Variants in ARHGAP15 observed in about 807,000 individuals in gnomAD.
ARHGAP15 encodes rho GTPase-activating protein 15.
A neutral mutation model predicts 63.7 loss-of-function variants in ARHGAP15; 51 were observed. That is an observed-to-expected ratio of 0.80 (90% CI 0.64 to 1.01). The LOEUF is 1.01. ARHGAP15 is among the 50% of genes least tolerant of loss of function. ARHGAP15 has a pLI of 0.00. For missense variants in ARHGAP15, 560 were observed against 564.6 expected, an observed-to-expected ratio of 0.99 and a Z score of 0.08; for synonymous variants, 191 against 193.8, an observed-to-expected ratio of 0.99 and a Z score of 0.12.
At chr2:143,661,210 C>T (rs1681752480) in intron 12 of ARHGAP15, among the ~76,000 whole-genome samples, 1 of 152,290 alleles carries the variant, frequency 6.6e-6, no homozygotes, top group South Asian at 2.1e-4. Context: ...AGGATAATCT[C>T]CTCACCTCAA....
intron 13 of ARHGAP15, among the ~76,000 whole-genome samples, chr2:143,744,421 T>C (rs892931314): frequency 1.3e-5 from 2 of 152,220 alleles, no homozygotes; most frequent in African/African-American, 4.8e-5. Flanking sequence ...TAAGTAATAA[T>C]GAGTGCGAGT....
In ARHGAP15 at chr2:143,615,776, T is replaced by G. The variant is rs76868639; in HGVS notation, c.1004-8357T>G. On this transcript the variant is annotated intron_variant, in intron 11 of 13. Transcript: ENST00000295095. ...ATGAAGCAAGCTTTCAAAAATGACT[T>G]TGTCGAAATTTAATCCTATGATTCT... Among the ~76,000 whole-genome samples, 86 of 152,316 alleles carry G rather than the reference T, an allele frequency of 5.6e-4. 2 individuals are homozygous for G. The East Asian group carries it at 0.013, about 24-fold the overall frequency.
chr2:143,768,140 T>C lies in ARHGAP15; in HGVS notation c.1396T>C (p.Tyr466His). ...NQIAELMLSE[Y>H]SKIFGSEED The stretch of plus-strand genomic sequence containing the variant: ...GATAGCTGAGCTCATGCTGAGTGAG[T>C]ACAGTAAGATCTTCGGCTCAGAGGA... Residue 466 changes from tyrosine to histidine, a missense_variant, in exon 14 of 14, where the codon TAC becomes CAC. By Grantham distance (83) the Tyr-to-His change is moderately conservative. Transcript: ENST00000295095. 1 of 1,613,590 alleles carries C rather than the reference T, an allele frequency of 6.2e-7. No homozygotes were observed. Among genetic ancestry groups the C allele is most frequent in the Non-Finnish European group, 8.5e-7 (1 of 1,179,688 alleles).
At chr2:143,699,771 G>A (rs1187857503) in intron 12 of ARHGAP15, among the ~76,000 whole-genome samples, 2 of 152,136 alleles carry the variant, frequency 1.3e-5, no homozygotes, top group Admixed American at 1.3e-4. Context: ...CAGTGGCTTG[G>A]GCCTCAAAAG....
At chr2:143,129,914 A>G (rs1688854838) in intron 1 of ARHGAP15, among the ~76,000 whole-genome samples, 5 of 152,188 alleles carry the variant, frequency 3.3e-5, no homozygotes. Flanking sequence ...ACTTTAAAGC[A>G]TTGTATTAAT....
At chr2:143,484,185 G>T (rs1423959599) in intron 8 of ARHGAP15, among the ~76,000 whole-genome samples, 1 of 152,018 alleles carries the variant, frequency 6.6e-6, no homozygotes, top group Non-Finnish European at 1.5e-5. Context: ...GGCCAACATA[G>T]TAAAACCCCA....
At chr2:143,435,252 A>T in intron 6 of ARHGAP15, 1 of 997,450 alleles carries the variant, frequency 1.0e-6, no homozygotes, top group Non-Finnish European at 1.2e-6. Flanking sequence ...ATGAATTCTG[A>T]CACACCCGGG....
At chr2:143,253,526 A>G (rs1051384532) in intron 6 of ARHGAP15, among the ~76,000 whole-genome samples, 2 of 152,102 alleles carry the variant, frequency 1.3e-5, no homozygotes, top group Admixed American at 6.6e-5. Context: ...AACAATGACA[A>G]CATTAATTAT....
intron 9 of ARHGAP15, among the ~76,000 whole-genome samples, chr2:143,488,446 T>TA (rs1462673909): frequency 6.6e-6 from 1 of 152,228 alleles, no homozygotes; most frequent in Non-Finnish European, 1.5e-5. Context: ...TGATTCTTTT[T>TA]AAAAACAAGA....
chr2:143,517,002 G>T (rs76372639), intron 9 of ARHGAP15, among the ~76,000 whole-genome samples: 32,135 of 151,970 alleles, frequency 0.21, 3,651 homozygotes, highest in Middle Eastern at 0.28. Context: ...AGGCCTGGAG[G>T]GCAGTGGCGC....
chr2:143,589,279 T>TA (rs1227329355), intron 11 of ARHGAP15, among the ~76,000 whole-genome samples: 2 of 152,240 alleles, frequency 1.3e-5, no homozygotes, highest in African/African-American at 2.4e-5. Context: ...CTTCTCCATG[T>TA]ACTCTACTGC....
intron 2 of ARHGAP15, among the ~76,000 whole-genome samples, chr2:143,157,065 A>G (rs1013003682): frequency 6.6e-6 from 1 of 152,006 alleles, no homozygotes; most frequent in Non-Finnish European, 1.5e-5. Flanking sequence ...ACAAGCATGA[A>G]AACATCACAG....
chr2:143,724,401 A>G (rs558043517), intron 13 of ARHGAP15, among the ~76,000 whole-genome samples: 30 of 152,334 alleles, frequency 2.0e-4, no homozygotes, highest in African/African-American at 7.2e-4. Flanking sequence ...TCGAAGAGAC[A>G]AAGTTGTTTC....
intron 6 of ARHGAP15, among the ~76,000 whole-genome samples, chr2:143,268,887 AC>A (rs35903170): frequency 0.22 from 33,519 of 152,056 alleles, 3,946 homozygotes; most frequent in South Asian, 0.35. Context: ...TTAAAAGAAA[AC>A]TATGCAGTAC....
chr2:143,688,329 T>TTG (rs1683442048), intron 12 of ARHGAP15, among the ~76,000 whole-genome samples: 1 of 152,176 alleles, frequency 6.6e-6, no homozygotes, highest in Non-Finnish European at 1.5e-5. Flanking sequence ...TTGTTTAGTA[T>TTG]CTCTCCAGAG....
intron 6 of ARHGAP15, among the ~76,000 whole-genome samples, chr2:143,384,461 C>T (rs149922076): frequency 9.2e-5 from 14 of 151,762 alleles, no homozygotes; most frequent in South Asian, 2.1e-4. Context: ...TTGGCCACCT[C>T]GGAGACTAAC....
chr2:143,187,662 A>G (rs1229559672), intron 2 of ARHGAP15, among the ~76,000 whole-genome samples: 1 of 152,208 alleles, frequency 6.6e-6, no homozygotes, highest in East Asian at 1.9e-4. Context: ...CTTTGAATCT[A>G]CTAGTTGCTA....
chr2:143,363,896 T>C (rs1574336602), intron 6 of ARHGAP15, among the ~76,000 whole-genome samples: 3 of 152,204 alleles, frequency 2.0e-5, no homozygotes, highest in Non-Finnish European at 1.5e-5. Flanking sequence ...ATAAAGGAAA[T>C]AGCAATTGCA....
At chr2:143,304,091 A>G (rs1364888349) in intron 6 of ARHGAP15, among the ~76,000 whole-genome samples, 2 of 152,182 alleles carry the variant, frequency 1.3e-5, no homozygotes, top group Admixed American at 1.3e-4. Context: ...TGACCCAGCC[A>G]TCTCATTACT....
Sources: allele counts gnomAD v4.1 joint callset (sites outside exome capture counted in the v4.1 genomes callset), GRCh38; gene constraint gnomAD v4.1.1; transcripts MANE v1.5; gene names NCBI Gene and HGNC (gene_info 2026-07-23, HGNC 2026-07-21).